The following GLI2 variants were observed in gnomAD, a reference collection of about 807,000 sequenced individuals.
GLI2 encodes GLI family zinc finger 2, also known as transcription activator GLI2.
A neutral mutation model predicts 78.9 loss-of-function variants in GLI2; 22 were observed. The ratio of observed to expected loss-of-function variants is 0.28; its 90% CI spans 0.20 to 0.40. The LOEUF is 0.40. GLI2 is among the 10% of genes least tolerant of loss of function. The pLI, the probability that GLI2 is intolerant of heterozygous loss-of-function variation, is 1.00. For synonymous variants in GLI2, 974 were observed against 963.7 expected, an observed-to-expected ratio of 1.01 and a Z score of -0.20; for missense variants, 2,097 against 2,213.2, an observed-to-expected ratio of 0.95 and a Z score of 1.05.
intron 2 of GLI2, among the ~76,000 whole-genome samples, chr2:120,863,297 C>T (rs578177226): frequency 1.6e-4 from 24 of 152,346 alleles, no homozygotes; most frequent in African/African-American, 2.9e-4. Context: ...GCCTTGGCTC[C>T]GGCCAGTGCC....
chr2:120,835,808 ATG>A (rs763002550), intron 2 of GLI2, among the ~76,000 whole-genome samples: 49 of 151,844 alleles, frequency 3.2e-4, no homozygotes, highest in Admixed American at 2.6e-3. Flanking sequence ...GTGTGTGTGT[ATG>A]TGTGTGTGTG....
intron 2 of GLI2, among the ~76,000 whole-genome samples, chr2:120,807,612 C>T (rs1451936922): frequency 6.6e-6 from 1 of 152,160 alleles, no homozygotes; most frequent in Non-Finnish European, 1.5e-5. Flanking sequence ...GGGCAAAGGT[C>T]CTGGGGTCTG....
chr2:120,986,659 G>A (rs376854789), intron 13 of GLI2, 45 bp downstream of exon 13: 1 of 1,509,988 alleles, frequency 6.6e-7, no homozygotes, highest in East Asian at 2.3e-5. Flanking sequence ...AAGAGAGTCT[G>A]GGGCAGCACC....
At chr2:120,892,874 A>G (rs1386456096) in intron 2 of GLI2, among the ~76,000 whole-genome samples, 3 of 152,092 alleles carry the variant, frequency 2.0e-5, no homozygotes, top group African/African-American at 7.2e-5. Context: ...TCATCTCCAA[A>G]ATAAACCACT....
At chr2:120,984,126 C>T (rs1682852294) in intron 11 of GLI2, among the ~76,000 whole-genome samples, 1 of 152,160 alleles carries the variant, frequency 6.6e-6, no homozygotes, top group Non-Finnish European at 1.5e-5. Context: ...AGAGGGTACA[C>T]TGAGCTCGTA....
chr2:120,937,909 T>C (rs990262122), intron 3 of GLI2, among the ~76,000 whole-genome samples: 2 of 152,172 alleles, frequency 1.3e-5, no homozygotes, highest in African/African-American at 4.8e-5. Flanking sequence ...AGGCCCTTTC[T>C]CATCACTAAA....
At chr2:120,898,314 T>G (rs1424780527) in intron 2 of GLI2, among the ~76,000 whole-genome samples, 1 of 152,228 alleles carries the variant, frequency 6.6e-6, no homozygotes, top group East Asian at 1.9e-4. Context: ...TAAATATCTC[T>G]GTAAACATGT....
intron 5 of GLI2, among the ~76,000 whole-genome samples, chr2:120,966,998 G>A (rs937820471): frequency 1.3e-5 from 2 of 152,264 alleles, no homozygotes; most frequent in African/African-American, 4.8e-5. Context: ...AGTCAGGGCA[G>A]CCTGCCTGGA....
chr2:120,820,662 TTCTTC>T lies in GLI2; in HGVS notation c.148+23199_148+23203del, dbSNP rs147479545. ...GTGTGCACACCCTGTGTGTCTGTGT[TTCTTC>T]TCTTTGTGAGAGTTAGCCTTCTGCT... On this transcript the variant is annotated intron_variant, in intron 2 of 13. Coordinates refer to ENST00000361492, the MANE Select transcript of GLI2 (RefSeq NM_001374353.1). Among the ~76,000 whole-genome samples, 431 of 152,338 alleles carry T rather than the reference TTCTTC, an allele frequency of 2.8e-3. 2 individuals carry two copies. Among genetic ancestry groups the T allele is most frequent in the African/African-American group, 7.4e-3 (308 of 41,582 alleles).
chr2:120,771,161 C>G (rs1314555915), intron 1 of GLI2, among the ~76,000 whole-genome samples: 1 of 152,204 alleles, frequency 6.6e-6, no homozygotes, highest in Non-Finnish European at 1.5e-5. Flanking sequence ...GATCTCAGCC[C>G]TCTTCACTGT....
At chr2:120,985,503 T>G (rs1573731765) in intron 12 of GLI2, among the ~76,000 whole-genome samples, 1 of 152,094 alleles carries the variant, frequency 6.6e-6, no homozygotes, top group Non-Finnish European at 1.5e-5. Context: ...AAAATGTGGG[T>G]GGCGCCATGG....
intron 3 of GLI2, among the ~76,000 whole-genome samples, chr2:120,931,281 C>T (rs575123358): frequency 1.3e-5 from 2 of 152,362 alleles, no homozygotes; most frequent in South Asian, 4.1e-4. Context: ...CAGCCCCGTC[C>T]TCACACACAT....
intron 1 of GLI2, among the ~76,000 whole-genome samples, chr2:120,769,058 T>C (rs1051751066): frequency 6.6e-6 from 1 of 152,062 alleles, no homozygotes; most frequent in Non-Finnish European, 1.5e-5. Context: ...TTGACAAGGG[T>C]CCTCATTTGA....
intron 2 of GLI2, among the ~76,000 whole-genome samples, chr2:120,813,004 G>C (rs950980603): frequency 6.6e-6 from 1 of 152,172 alleles, no homozygotes; most frequent in African/African-American, 2.4e-5. Context: ...TCTGGGTTGG[G>C]AGATGGACCC....
intron 2 of GLI2, among the ~76,000 whole-genome samples, chr2:120,812,197 C>T (rs1411356937): frequency 2.0e-5 from 3 of 152,196 alleles, no homozygotes; most frequent in East Asian, 3.9e-4. Flanking sequence ...GGAGAAGAAA[C>T]TCATCCCGAA....
intron 2 of GLI2, among the ~76,000 whole-genome samples, chr2:120,887,502 G>T (rs982899909): frequency 1.3e-5 from 2 of 152,248 alleles, no homozygotes; most frequent in African/African-American, 2.4e-5. Flanking sequence ...GCCCGGGAAG[G>T]CCACTGTTTG....
At chr2:120,987,950 A>T (rs1009745973) in intron 13 of GLI2, among the ~76,000 whole-genome samples, 3 of 152,192 alleles carry the variant, frequency 2.0e-5, no homozygotes, top group East Asian at 3.8e-4. Context: ...CCATCTGCTC[A>T]CTGGGCACGG....
intron 11 of GLI2, among the ~76,000 whole-genome samples, chr2:120,983,088 A>C (rs1276120945): frequency 6.6e-6 from 1 of 152,166 alleles, no homozygotes; most frequent in African/African-American, 2.4e-5. Context: ...TTCCTCTAAA[A>C]GATGCCCCGT....
At chr2:120,863,826 G>A (rs1007893678) in intron 2 of GLI2, among the ~76,000 whole-genome samples, 2 of 152,176 alleles carry the variant, frequency 1.3e-5, no homozygotes, top group African/African-American at 4.8e-5. Context: ...TCACAGGAGG[G>A]CGAGGCCGAG....
Sources: allele counts gnomAD v4.1 joint callset (sites outside exome capture counted in the v4.1 genomes callset), GRCh38; gene constraint gnomAD v4.1.1; transcripts MANE v1.5; gene names NCBI Gene and HGNC (gene_info 2026-07-23, HGNC 2026-07-21).